CCDC33: variants seen among roughly 807,000 people sequenced by gnomAD.
The protein encoded by CCDC33 is coiled-coil domain-containing protein 33.
CCDC33 carries 94 observed loss-of-function variants against 91.9 expected under a neutral mutation model. The observed-to-expected ratio is 1.02, with a 90% CI of 0.87 to 1.21. The LOEUF (loss-of-function observed/expected upper bound fraction) is 1.21. Among genes scored for constraint, CCDC33 ranks in the 50% most tolerant of loss-of-function variants. The pLI is 0.00. For synonymous variants in CCDC33, 396 were observed against 374.5 expected (o/e 1.06, Z -0.66); for missense variants, 940 against 935.5 (o/e 1.00, Z -0.06).
At chr15:74,273,033 C>A in intron 7 of CCDC33, 142 bp downstream of exon 7, 1 of 1,173,348 alleles carries the variant, frequency 8.5e-7, no homozygotes, top group Non-Finnish European at 1.2e-6. Context: ...GTGCTGTGCT[C>A]GCCTGTGCGG....
upstream of CCDC33, among the ~76,000 whole-genome samples, chr15:74,234,808 C>A (rs2142216718): frequency 6.6e-6 from 1 of 152,352 alleles, no homozygotes; most frequent in Middle Eastern, 3.4e-3. Flanking sequence ...GTGAGGCAGG[C>A]AAGGTGGCCA....
Position 74,206,401 on chromosome 15 carries a change from C to T in CCDC33, n.90-2987C>T, listed in dbSNP as rs149524234. On this transcript the variant is annotated intron_variant and non_coding_transcript_variant, in intron 1 of 3. Coordinates refer to the CCDC33 transcript ENST00000558645. The stretch of plus-strand genomic sequence containing the variant: ...GCTCCCATCTGCAAAATGGGAGGCT[C>T]GGCTCTGAGCTGTTAAGAAAGATGC... Among the ~76,000 whole-genome samples the T allele has an allele frequency of 3.4e-3, 522 of 152,258 alleles. 5 individuals are homozygous for T. Among genetic ancestry groups the T allele is most frequent in the African/African-American group, 0.012 (518 of 41,546 alleles).
intron 16 of CCDC33, chr15:74,333,152 C>A: frequency 1.6e-6 from 2 of 1,287,464 alleles, no homozygotes; most frequent in Middle Eastern, 1.8e-4. Flanking sequence ...CTACACAGGC[C>A]TCTCAAAACT....
chr15:74,299,732 C>G (rs1381040305), intron 11 of CCDC33: 2 of 152,614 alleles, frequency 1.3e-5, no homozygotes, highest in Middle Eastern at 6.8e-3. Context: ...ATGCCCCTCT[C>G]CCTTACCCAT....
rs200342030 is a variant in CCDC33, at chr15:74,330,750, G to A, written c.1544G>A (p.Arg515Gln). The change falls in exon 13 of 19, where the codon CGA (arginine) becomes CAA (glutamine). Residue 515 changes from arginine to glutamine, a missense_variant and splice_region_variant. Arg to Gln is a conservative substitution (Grantham distance 43). Coordinates refer to ENST00000398814, the MANE Select transcript of CCDC33 (RefSeq NM_025055.5). ...CAGCATTTGCAGAATGAGCTGATTC[G>A]AGTGAGCTGGGGCTTGTGGGGGCAG... ...RVQHLQNELI[R>Q]KNDREKELLL... is the part of the protein sequence containing the mutation. 5.0e-5 allele frequency: 80 copies of A among 1,612,818 alleles called. No individual in the cohort carries two copies. The highest frequency in any genetic ancestry group is 5.9e-5 in the Non-Finnish European group (70 of 1,179,524).
rs374091946 is a variant in CCDC33, at chr15:74,333,945, G to A, written c.2003G>A (p.Arg668Gln). The A allele has an allele frequency of 9.9e-6, 16 of 1,613,432 alleles. No individual in the cohort carries two copies. Among genetic ancestry groups the A allele is most frequent in the Admixed American group, 3.3e-5 (2 of 59,984 alleles). The change falls in exon 17 of 19, where the codon CGG becomes CAG. Residue 668 changes from arginine (R) to glutamine (Q), a missense_variant. Transcript: ENST00000398814. Reference protein sequence around the residue: ...LLAKLEHAQSRILSLESQLED... With the variant: ...LLAKLEHAQSQILSLESQLED... Reference sequence around the variant, plus strand: ...GCCAAGCTGGAACACGCTCAGAGCCGGATCCTGTCCCTGGAAAGCCAGGTG... The same window carrying A: ...GCCAAGCTGGAACACGCTCAGAGCCAGATCCTGTCCCTGGAAAGCCAGGTG...
At chr15:74,295,201 C>T (rs1160935613) in intron 10 of CCDC33, among the ~76,000 whole-genome samples, 1 of 152,170 alleles carries the variant, frequency 6.6e-6, no homozygotes, top group Admixed American at 6.5e-5. Context: ...GTATTGAGTG[C>T]CTACAATGAG....
intron 1 of CCDC33, chr15:74,207,555 T>C: frequency 1.3e-6 from 1 of 777,916 alleles, no homozygotes; most frequent in South Asian, 1.7e-5. Context: ...CACCCTCCCA[T>C]CTCAGCCCTT....
At chr15:74,230,116 C>T (rs2074921481) in intron 2 of CCDC33, among the ~76,000 whole-genome samples, 1 of 152,226 alleles carries the variant, frequency 6.6e-6, no homozygotes, top group Non-Finnish European at 1.5e-5. Flanking sequence ...ACAGGCATGT[C>T]ATGAGTGTGG....
intron 2 of CCDC33, among the ~76,000 whole-genome samples, chr15:74,260,058 G>T (rs2075978669): frequency 6.6e-6 from 1 of 152,222 alleles, no homozygotes; most frequent in Non-Finnish European, 1.5e-5. Context: ...ATATCTATAA[G>T]TAGCAGATCG....
chr15:74,246,569 G>T (rs1252514728), intron 2 of CCDC33, among the ~76,000 whole-genome samples: 1 of 152,164 alleles, frequency 6.6e-6, no homozygotes, highest in Non-Finnish European at 1.5e-5. Context: ...CACATGAAAA[G>T]GTGCACATCG....
chr15:74,246,484 G>C (rs1453529344), intron 2 of CCDC33, among the ~76,000 whole-genome samples: 1 of 152,114 alleles, frequency 6.6e-6, no homozygotes, highest in Non-Finnish European at 1.5e-5. Flanking sequence ...AAAAAGACAA[G>C]TAACCCAATT....
At chr15:74,268,492 G>GGA in intron 5 of CCDC33, 34 bp downstream of exon 5, 1 of 1,479,362 alleles carries the variant, frequency 6.8e-7, no homozygotes, top group South Asian at 1.2e-5. Flanking sequence ...GGTGGTGGTG[G>GGA]GGGTGGGAAA....
intron 2 of CCDC33, among the ~76,000 whole-genome samples, chr15:74,246,527 T>G (rs746512915): frequency 1.8e-4 from 27 of 152,308 alleles, no homozygotes; most frequent in Admixed American, 3.9e-4. Context: ...AATAGACATT[T>G]TTCCAACAAA....
chr15:74,213,689 T>C (rs376452835), upstream of CCDC33, among the ~76,000 whole-genome samples: 70 of 152,312 alleles, frequency 4.6e-4, 1 homozygote, highest in East Asian at 0.011. Context: ...CTGGCTGCCA[T>C]TCTTCCCTTT....
chr15:74,330,491 A>T, intron 12 of CCDC33, 137 bp downstream of exon 12: 1 of 1,143,734 alleles, frequency 8.7e-7, no homozygotes, highest in Non-Finnish European at 1.2e-6. Context: ...CCTCGCCCAC[A>T]GACACTCACA....
intron 2 of CCDC33, among the ~76,000 whole-genome samples, chr15:74,252,237 G>C (rs1401675518): frequency 6.6e-6 from 1 of 152,192 alleles, no homozygotes; most frequent in Admixed American, 6.5e-5. Flanking sequence ...GACTAGTGTG[G>C]AGACCCATCC....
chr15:74,259,940 A>G (rs779476806), intron 2 of CCDC33, among the ~76,000 whole-genome samples: 38 of 152,256 alleles, frequency 2.5e-4, no homozygotes, highest in Non-Finnish European at 4.1e-4. Context: ...ATCTGGGTGC[A>G]GAAGGACTGA....
intron 11 of CCDC33, among the ~76,000 whole-genome samples, chr15:74,296,986 G>T (rs187252497): frequency 2.6e-5 from 4 of 152,330 alleles, no homozygotes; most frequent in Admixed American, 1.3e-4. Flanking sequence ...CCACAGGGAA[G>T]TCCAAGCCAT....
Sources: allele counts gnomAD v4.1 joint callset (sites outside exome capture counted in the v4.1 genomes callset), GRCh38; gene constraint gnomAD v4.1.1; transcripts MANE v1.5; gene names NCBI Gene and HGNC (gene_info 2026-07-23, HGNC 2026-07-21).